ITSN1: variants seen among roughly 807,000 people sequenced by gnomAD.
The protein encoded by ITSN1 is intersectin 1.
Under a neutral mutation model 239.8 loss-of-function variants are expected in ITSN1, and 58 were observed. That is an observed-to-expected ratio of 0.24 (90% CI 0.20 to 0.30). The LOEUF (loss-of-function observed/expected upper bound fraction) is 0.30. Ranked by LOEUF, ITSN1 falls within the 10% of genes least tolerant of loss-of-function variation. The pLI is 1.00. For missense variants in ITSN1, 1,558 were observed against 2,103.3 expected (o/e 0.74, Z 5.07); for synonymous variants, 780 against 770.8 (o/e 1.01, Z -0.20).
intron 4 of ITSN1, among the ~76,000 whole-genome samples, chr21:33,732,621 T>C (rs976869331): frequency 7.2e-5 from 11 of 152,162 alleles, no homozygotes; most frequent in Non-Finnish European, 1.6e-4. Flanking sequence ...GGCCTAAATA[T>C]TGGAAAAGAA....
intron 1 of ITSN1, among the ~76,000 whole-genome samples, chr21:33,682,147 C>G (rs982528961): frequency 2.0e-5 from 3 of 150,462 alleles, no homozygotes; most frequent in African/African-American, 7.3e-5. Flanking sequence ...AGGTTGTGTT[C>G]TATTTGGCTA....
At position 33,671,648 on chromosome 21, in the gene ITSN1, C is replaced by A. The variant is rs545396468; in HGVS notation, c.-33+28935C>A. On this transcript the variant is annotated intron_variant, in intron 1 of 39. Coordinates refer to ENST00000381318, the MANE Select transcript of ITSN1 (RefSeq NM_003024.3). The stretch of plus-strand genomic sequence containing the variant: ...TGAAACCCCATCTCTACTAAAAATA[C>A]AAAAATTAGCAGGCATGGTGGCGCA... 8.3e-3 allele frequency among the ~76,000 whole-genome samples: 1,265 copies of A among 151,718 alleles called. 5 individuals are homozygous for A. Among genetic ancestry groups the A allele is most frequent in the Non-Finnish European group, 0.013 (872 of 67,918 alleles).
chr21:33,693,738 A>G (rs1375964973), intron 1 of ITSN1, among the ~76,000 whole-genome samples: 1 of 152,144 alleles, frequency 6.6e-6, no homozygotes, highest in East Asian at 1.9e-4. Flanking sequence ...ACACACTGCT[A>G]TTCTGCAGTG....
intron 17 of ITSN1, among the ~76,000 whole-genome samples, chr21:33,796,262 C>T (rs1015254410): frequency 5.3e-5 from 8 of 152,068 alleles, no homozygotes; most frequent in Non-Finnish European, 1.0e-4. Context: ...TGAGCCACCG[C>T]GCCTGGCCAC....
At chr21:33,773,433 C>G (rs1032398414) in intron 12 of ITSN1, among the ~76,000 whole-genome samples, 2 of 152,148 alleles carry the variant, frequency 1.3e-5, no homozygotes, top group Non-Finnish European at 2.9e-5. Flanking sequence ...TCTCTCTTTC[C>G]AATTTTAGTA....
At chr21:33,715,808 C>T (rs1409217235) in intron 1 of ITSN1, among the ~76,000 whole-genome samples, 1 of 152,164 alleles carries the variant, frequency 6.6e-6, no homozygotes, top group African/African-American at 2.4e-5. Flanking sequence ...ATCCCAGCTA[C>T]TTCGGAGGCA....
chr21:33,791,398 A>G (rs2071120641), intron 16 of ITSN1, among the ~76,000 whole-genome samples: 1 of 152,238 alleles, frequency 6.6e-6, no homozygotes, highest in Non-Finnish European at 1.5e-5. Context: ...TTGAAACTGC[A>G]ACTTACATAA....
At position 33,888,896 on chromosome 21, in the gene ITSN1, A is replaced by C. The variant is rs1986154462; in HGVS notation, c.*596A>C. The C allele has an allele frequency of 6.6e-6, 1 of 152,290 alleles. No homozygotes were observed. The highest frequency in any genetic ancestry group is 1.5e-5 in the Non-Finnish European group (1 of 68,118). The allele number at this position is 152,290 out of a possible 1,614,324, so 9.4% of individuals were successfully genotyped here. ...GCTCTTTGAAGAGCTGGTCTATGGAAGTTTCCAGCATGTGCACCGTTATAG... is the reference window on the plus strand; with the variant it reads ...GCTCTTTGAAGAGCTGGTCTATGGACGTTTCCAGCATGTGCACCGTTATAG... On this transcript the variant is annotated 3_prime_UTR_variant, in exon 40 of 40. Transcript: ENST00000381318.
chr21:33,794,296 C>T, intron 16 of ITSN1, 45 bp from the exon 17 acceptor site: 1 of 1,378,806 alleles, frequency 7.3e-7, no homozygotes, highest in East Asian at 2.3e-5. Context: ...GTTGATGTAC[C>T]TGTCACTCAT....
chr21:33,784,310 AACACAC>A (rs58496273), intron 16 of ITSN1, among the ~76,000 whole-genome samples: 7,137 of 134,144 alleles, frequency 0.053, 227 homozygotes, highest in Admixed American at 0.1. Context: ...GTCTCTACAA[AACACAC>A]ACACACACAC....
chr21:33,775,992 G>A (rs1358225686), intron 14 of ITSN1, among the ~76,000 whole-genome samples: 4 of 152,062 alleles, frequency 2.6e-5, no homozygotes, highest in Non-Finnish European at 5.9e-5. Flanking sequence ...CTTTATGTTA[G>A]GCTTTTTCTC....
rs888987823 is a variant in ITSN1, at chr21:33,829,847, C to T, written c.3351+102C>T. ...TTGTAAAGTACAAACCACCCCTCACCACCTAAATTCTGTATTTGGATAGTG... is the reference window on the plus strand; with the variant it reads ...TTGTAAAGTACAAACCACCCCTCACTACCTAAATTCTGTATTTGGATAGTG... On this transcript the variant is annotated intron_variant, in intron 27 of 39. Transcript: ENST00000381318. 9 of 1,351,914 alleles carry T rather than the reference C, an allele frequency of 6.7e-6. No individual in the cohort carries two copies. In the Admixed American group the frequency reaches 1.9e-4, roughly 29 times the overall value. 83.7% of individuals were successfully genotyped at this position (1,351,914 alleles called of 1,614,324 possible).
intron 1 of ITSN1, among the ~76,000 whole-genome samples, chr21:33,713,482 T>G (rs904581817): frequency 6.6e-5 from 10 of 151,952 alleles, no homozygotes; most frequent in African/African-American, 2.4e-4. Context: ...GACCTCATGA[T>G]CTGCTTGCCT....
chr21:33,817,290 T>G (rs1477625133), intron 22 of ITSN1: 2 of 1,304,324 alleles, frequency 1.5e-6, no homozygotes, highest in Admixed American at 4.6e-5. Context: ...GGATTGTGCT[T>G]CTCTTCCCGG....
At chr21:33,801,555 C>T (rs2072004226) in intron 19 of ITSN1, among the ~76,000 whole-genome samples, 1 of 152,144 alleles carries the variant, frequency 6.6e-6, no homozygotes, top group African/African-American at 2.4e-5. Flanking sequence ...TTCCACCTCC[C>T]AGGCTCAAGT....
intron 31 of ITSN1, among the ~76,000 whole-genome samples, chr21:33,861,796 A>C (rs1386810839): frequency 6.6e-6 from 1 of 151,786 alleles, no homozygotes; most frequent in Non-Finnish European, 1.5e-5. Context: ...AATACAAAAA[A>C]ATAGCCAGGC....
In ITSN1 at chr21:33,797,413, C is replaced by T. The variant is rs750646540; in HGVS notation, c.1987C>T (p.His663Tyr). Residue 663 changes from histidine to tyrosine, a missense_variant, in exon 18 of 40, where the codon CAT (histidine) becomes TAT (tyrosine). His to Tyr is a moderately conservative substitution (Grantham distance 83, BLOSUM62 2). Transcript: ENST00000381318. This position sits in a 1 kb window ranked among gnomAD's most constrained non-coding sequence, Gnocchi z 4.9. Reference protein sequence around the residue: ...AQERDKQWLEHVQQEDEHQRP... With the variant: ...AQERDKQWLEYVQQEDEHQRP... ...GGAAAGGGACAAGCAGTGGCTGGAG[C>T]ATGTGCAGCAGGAGGACGAGCATCA... 6.2e-7 allele frequency: 1 copy of T among 1,613,912 alleles called. No individual in the cohort carries two copies. Among genetic ancestry groups the T allele is most frequent in the South Asian group, 1.1e-5 (1 of 91,066 alleles).
At chr21:33,802,822 G>A (rs1009637728) in intron 20 of ITSN1, among the ~76,000 whole-genome samples, 2 of 152,250 alleles carry the variant, frequency 1.3e-5, no homozygotes, top group Non-Finnish European at 2.9e-5. Flanking sequence ...GGCTAAGAAA[G>A]GCCTTTTGAA....
intron 15 of ITSN1, among the ~76,000 whole-genome samples, 176 bp downstream of exon 15, chr21:33,781,724 G>A (rs2070201975): frequency 6.6e-6 from 1 of 152,098 alleles, no homozygotes; most frequent in South Asian, 2.1e-4. Context: ...GACTACAGGT[G>A]CATGCCACCA....
Sources: gnomAD v4.1 joint callset for allele counts (sites outside exome capture counted in the v4.1 genomes callset) on GRCh38, gnomAD v4.1.1 for gene constraint, Gnocchi (gnomAD v3.1) non-coding constraint, MANE v1.5 for transcripts, NCBI Gene and HGNC (gene_info 2026-07-23, HGNC 2026-07-21) for gene names.